SLC50A1: variants seen among roughly 807,000 people sequenced by gnomAD.
SLC50A1 encodes the protein sugar transporter SWEET1.
SLC50A1 carries 22 observed loss-of-function variants against 28.9 expected under a neutral mutation model. The observed-to-expected ratio is 0.76, with a 90% CI of 0.54 to 1.09. The LOEUF (loss-of-function observed/expected upper bound fraction) is 1.09, where lower values mean the gene tolerates loss of function less well. Among genes scored for constraint, SLC50A1 ranks in the 50% least tolerant of loss-of-function variants. The pLI is 0.00. For missense variants in SLC50A1, 233 were observed against 273.4 expected (o/e 0.85, Z 1.04); for synonymous variants, 96 against 110.6 (o/e 0.87, Z 0.83).
At chr1:155,136,986 C>T (rs1664526622) in intron 3 of SLC50A1, 35 bp downstream of exon 3, 18 of 1,603,128 alleles carry the variant, frequency 1.1e-5, no homozygotes, top group Non-Finnish European at 1.5e-5. Context: ...CTATCTGCTG[C>T]ACGCCCTGCC....
chr1:155,137,938 G>T, intron 4 of SLC50A1, 41 bp from the exon 5 acceptor site: 1 of 1,613,574 alleles, frequency 6.2e-7, no homozygotes, highest in Non-Finnish European at 8.5e-7. Flanking sequence ...GAAGCTTTAC[G>T]ATGTGCTTGG....
rs1208938220 is a variant in SLC50A1 at position 155,138,500 on chromosome 1, A to G, written c.*219A>G. Reference sequence around the variant, plus strand: ...TTATTTTTTAGAGATTTTTTTTTTTAATTTTGGAGGTTGGGGTGCAATCTT... The same window carrying G: ...TTATTTTTTAGAGATTTTTTTTTTTGATTTTGGAGGTTGGGGTGCAATCTT... On this transcript the variant is annotated 3_prime_UTR_variant, in exon 6 of 6. Coordinates refer to ENST00000368404, the MANE Select transcript of SLC50A1 (RefSeq NM_018845.4). The G allele has an allele frequency of 3.6e-6, 2 of 548,338 alleles. No homozygotes were observed. The highest frequency in any genetic ancestry group is 3.8e-5 in the African/African-American group (2 of 52,726). The allele number at this position is 548,338 out of a possible 1,614,324, so 34.0% of individuals were successfully genotyped here.
chr1:155,135,455 A>C (rs1239326398), upstream of SLC50A1: 1 of 850,372 alleles, frequency 1.2e-6, no homozygotes, highest in Non-Finnish European at 1.8e-6. Context: ...TGGGCAACTG[A>C]GGTTCTGATG....
At position 155,138,154 on chromosome 1, in the gene SLC50A1, C is replaced by T. The variant is rs757653447; in HGVS notation, c.565-26C>T. On this transcript the variant is annotated intron_variant, in intron 5 of 5. Coordinates refer to ENST00000368404, the MANE Select transcript of SLC50A1 (RefSeq NM_018845.4). ...TGCAAGATGGAAAACTGGCTCCTCTCCTCATAGCAGTTCTTGTGATTTCAG... is the reference window on the plus strand; with the variant it reads ...TGCAAGATGGAAAACTGGCTCCTCTTCTCATAGCAGTTCTTGTGATTTCAG... The T allele has an allele frequency of 7.4e-6, 12 of 1,614,032 alleles. No homozygotes were observed. In the African/African-American group the frequency reaches 1.1e-4, roughly 14 times the overall value.
chr1:155,135,853 G>C lies in SLC50A1; in HGVS notation c.-59G>C. On this transcript the variant is annotated 5_prime_UTR_variant, in exon 1 of 6. Coordinates refer to ENST00000368404, the MANE Select transcript of SLC50A1 (RefSeq NM_018845.4). The stretch of plus-strand genomic sequence containing the variant: ...AGAGCCGCAGGTCTGGGCTGCAGTA[G>C]GTCCCGGCAACCGCAGGCTCGCGGC... The C allele has an allele frequency of 6.2e-7, 1 of 1,609,262 alleles. No homozygotes were observed.
rs1312586591 is a variant in SLC50A1, at chr1:155,138,093, A to G, written c.559A>G (p.Ile187Val). 1.2e-6 allele frequency: 2 copies of G among 1,613,982 alleles called. No homozygotes were observed. The highest frequency in any genetic ancestry group is 2.7e-5 in the African/African-American group (2 of 74,862). The change falls in exon 5 of 6, where the codon ATC becomes GTC. Residue 187 changes from isoleucine (I) to valine (V), a missense_variant. Transcript: ENST00000368404. ...TGGGTTTCGACTCAGAGATCCCTAT[A>G]TCATGGTAAGCACAACTGGGATGGG... ...LYGFRLRDPY[I>V]MVSNFPGIVT...
chr1:155,135,650 T>C (rs1359574656), upstream of SLC50A1: 1 of 1,550,222 alleles, frequency 6.5e-7, no homozygotes, highest in East Asian at 2.4e-5. Context: ...CGCGGAGCCC[T>C]AGGAAGGGGA....
In SLC50A1 at chr1:155,138,448, T is replaced by C. The variant is rs191262592; in HGVS notation, c.*167T>C. Reference sequence around the variant, plus strand: ...GAAAAAGCTTTACTTAGATGATTGATTGGGGCCTAGGAGATGAAATCACTT... The same window carrying C: ...GAAAAAGCTTTACTTAGATGATTGACTGGGGCCTAGGAGATGAAATCACTT... On this transcript the variant is annotated 3_prime_UTR_variant, in exon 6 of 6. Transcript: ENST00000368404. 7.8e-4 allele frequency: 493 copies of C among 635,040 alleles called. No homozygotes were observed. Among genetic ancestry groups the C allele is most frequent in the East Asian group, 6.0e-3 (219 of 36,592 alleles). The allele number at this position is 635,040 out of a possible 1,614,324, so 39.3% of individuals were successfully genotyped here.
intron 2 of SLC50A1, 187 bp from the exon 3 acceptor site, chr1:155,136,641 G>A: frequency 2.3e-6 from 2 of 873,594 alleles, no homozygotes; most frequent in Non-Finnish European, 3.4e-6. Context: ...TACTCGGGAG[G>A]CTGAGGCAGG....
At chr1:155,135,710 G>C (rs1238280611), upstream of SLC50A1, 3 of 1,549,798 alleles carry the variant, frequency 1.9e-6, no homozygotes, top group Non-Finnish European at 8.7e-7. Flanking sequence ...GAAGGCGCTC[G>C]GAGGAGAGGG....
chr1:155,136,202 C>T, intron 1 of SLC50A1, 97 bp from the exon 2 acceptor site: 1 of 985,108 alleles, frequency 1.0e-6, no homozygotes, highest in Non-Finnish European at 1.6e-6. Flanking sequence ...GCGGGGTCTG[C>T]GGTGGTCCGG....
chr1:155,137,166 G>A, intron 3 of SLC50A1: 1 of 628,336 alleles, frequency 1.6e-6, no homozygotes, highest in Non-Finnish European at 2.7e-6. Flanking sequence ...CCTAGCCTGA[G>A]ATGCCTATGC....
chr1:155,135,718 G>A (rs914513657), upstream of SLC50A1: 24 of 1,549,752 alleles, frequency 1.5e-5, no homozygotes, highest in Middle Eastern at 1.8e-4. Context: ...TCGGAGGAGA[G>A]GGGCGCGAGT....
At chr1:155,136,557 C>T (rs1344250143) in intron 2 of SLC50A1, 181 bp downstream of exon 2, 3 of 698,164 alleles carry the variant, frequency 4.3e-6, no homozygotes, top group African/African-American at 3.6e-5. Flanking sequence ...TCCTGGCTAA[C>T]ACGGTGAAAC....
rs113424553 is a variant in SLC50A1 at position 155,136,377 on chromosome 1, G to C, written c.158+1G>C. ...TGCCCTTTCTCACCACGGAAGTCAA[G>C]TGAGGGGCCGACGGCTGCGGTAGTG... On this transcript the variant is annotated splice_donor_variant, in intron 2 of 5. Transcript: ENST00000368404. LOFTEE classifies it high-confidence loss of function. The C allele has an allele frequency of 1.2e-6, 2 of 1,611,626 alleles. No homozygotes were observed. Among genetic ancestry groups the C allele is most frequent in the Non-Finnish European group, 1.7e-6 (2 of 1,178,834 alleles).
At chr1:155,135,579 G>A (rs1664381045), upstream of SLC50A1, 1 of 1,546,916 alleles carries the variant, frequency 6.5e-7, no homozygotes, top group Non-Finnish European at 8.7e-7. Context: ...GAGACTGGGG[G>A]CGTCTAGATG....
chr1:155,136,703 A>C lies in SLC50A1; in HGVS notation c.159-125A>C, dbSNP rs1035890464. 4.4e-6 allele frequency: 6 copies of C among 1,349,146 alleles called. No individual in the cohort carries two copies. In the South Asian group the frequency reaches 8.2e-5, roughly 19 times the overall value. The allele number at this position is 1,349,146 out of a possible 1,614,324, so 83.6% of individuals were successfully genotyped here. A position where few individuals can be genotyped will look rare whatever the true frequency, so the allele number is the denominator to read the frequency against. ...GCTTGCAGTGAGCCGAGATCGTGCC[A>C]CCGCACTCCAGCCTGGGCGACAGAG... On this transcript the variant is annotated intron_variant, in intron 2 of 5. Transcript: ENST00000368404.
At chr1:155,136,766 C>G in intron 2 of SLC50A1, 62 bp from the exon 3 acceptor site, 1 of 1,599,482 alleles carries the variant, frequency 6.3e-7, no homozygotes. Flanking sequence ...GAGTGAAAGA[C>G]CCTTTGGGTC....
chr1:155,135,807 G>A, upstream of SLC50A1: 1 of 1,566,774 alleles, frequency 6.4e-7, no homozygotes, highest in Non-Finnish European at 8.7e-7. Context: ...GGGCGGAGCC[G>A]AGTGCGCGGG....
Sources: gnomAD v4.1 joint callset for allele counts on GRCh38, gnomAD v4.1.1 for gene constraint, MANE v1.5 for transcripts, NCBI Gene and HGNC (gene_info 2026-07-23, HGNC 2026-07-21) for gene names.